AKAP19: variants seen among roughly 807,000 people sequenced by gnomAD.
AKAP19 encodes small A-kinase anchoring protein.
At chr2:190,156,106 G>A in the AKAP19 span, among the ~76,000 whole-genome samples, 6 of 151,942 alleles carry the variant, frequency 3.9e-5, no homozygotes, top group Non-Finnish European at 8.8e-5. Context: ...TATAGGCTTT[G>A]GTTTTGGCTT....
the AKAP19 span, among the ~76,000 whole-genome samples, chr2:190,038,442 T>C: frequency 6.6e-6 from 1 of 152,290 alleles, no homozygotes; most frequent in East Asian, 1.9e-4. Flanking sequence ...TCTGGCACCA[T>C]ATTAGATATA....
the AKAP19 span, among the ~76,000 whole-genome samples, chr2:190,007,989 C>A: frequency 1.3e-5 from 2 of 152,146 alleles, no homozygotes; most frequent in Non-Finnish European, 1.5e-5. Flanking sequence ...TGAAGGCTTA[C>A]AGCAATCCTT....
chr2:189,915,096 G>T, the AKAP19 span, among the ~76,000 whole-genome samples: 2 of 152,106 alleles, frequency 1.3e-5, no homozygotes, highest in African/African-American at 2.4e-5. Context: ...ATTAAAACAT[G>T]CATGGAAAGA....
the AKAP19 span, among the ~76,000 whole-genome samples, chr2:190,068,036 T>C: frequency 1.3e-4 from 20 of 152,292 alleles, no homozygotes; most frequent in East Asian, 1.9e-3. Flanking sequence ...ACACCATTTC[T>C]GCTAAAAATA....
chr2:189,985,724 T>A, the AKAP19 span, among the ~76,000 whole-genome samples: 1 of 152,220 alleles, frequency 6.6e-6, no homozygotes, highest in Admixed American at 6.5e-5. Context: ...AGATTTGTAA[T>A]ATTCTGAGCA....
At chr2:190,184,989 A>C in the AKAP19 span, among the ~76,000 whole-genome samples, 1 of 152,216 alleles carries the variant, frequency 6.6e-6, no homozygotes, top group African/African-American at 2.4e-5. Context: ...ATGGATCATG[A>C]AAGAACTATG....
At chr2:189,898,146 G>A in the AKAP19 span, among the ~76,000 whole-genome samples, 2 of 151,050 alleles carry the variant, frequency 1.3e-5, no homozygotes, top group South Asian at 4.2e-4. Flanking sequence ...AGGCTGCAGA[G>A]AACTGTGATC....
the AKAP19 span, among the ~76,000 whole-genome samples, chr2:189,882,993 T>G: frequency 6.6e-6 from 1 of 152,154 alleles, no homozygotes; most frequent in Admixed American, 6.5e-5. Flanking sequence ...TTTTCTCTGC[T>G]TACCTGATTT....
At chr2:190,104,395 A>G in the AKAP19 span, among the ~76,000 whole-genome samples, 2,451 of 152,358 alleles carry the variant, frequency 0.016, 72 homozygotes, top group African/African-American at 0.056. Flanking sequence ...CAGAGTAAAC[A>G]GGCAACCAAC....
At chr2:190,192,037 C>T in the AKAP19 span, among the ~76,000 whole-genome samples, 3 of 151,868 alleles carry the variant, frequency 2.0e-5, no homozygotes, top group Admixed American at 6.6e-5. Flanking sequence ...AACTCTTTTC[C>T]TAACCCAAGA....
At chr2:189,983,900 C>T in the AKAP19 span, among the ~76,000 whole-genome samples, 1 of 152,162 alleles carries the variant, frequency 6.6e-6, no homozygotes, top group Non-Finnish European at 1.5e-5. Context: ...GAAGACTTCA[C>T]ACATTGGTAG....
chr2:190,117,027 CTT>C, the AKAP19 span, among the ~76,000 whole-genome samples: 3 of 152,206 alleles, frequency 2.0e-5, no homozygotes, highest in Non-Finnish European at 4.4e-5. Context: ...AATGGTATGA[CTT>C]TGAATGAGTT....
the AKAP19 span, among the ~76,000 whole-genome samples, chr2:190,040,186 T>A: frequency 6.6e-6 from 1 of 152,186 alleles, no homozygotes; most frequent in Admixed American, 6.5e-5. Context: ...CCAGCATCTG[T>A]TATTTGAATT....
At chr2:190,131,432 G>T in the AKAP19 span, among the ~76,000 whole-genome samples, 41 of 152,320 alleles carry the variant, frequency 2.7e-4, no homozygotes, top group African/African-American at 9.4e-4. Flanking sequence ...GATAGTGGAG[G>T]TTCCTGGAGG....
chr2:190,061,238 G>T, the AKAP19 span, among the ~76,000 whole-genome samples: 2 of 151,982 alleles, frequency 1.3e-5, no homozygotes, highest in African/African-American at 4.8e-5. Flanking sequence ...ACTGTTTGGA[G>T]TCTTGTTTAA....
the AKAP19 span, among the ~76,000 whole-genome samples, chr2:190,177,639 C>T: frequency 6.6e-6 from 1 of 152,156 alleles, no homozygotes; most frequent in South Asian, 2.1e-4. This position sits in a 1 kb window ranked among gnomAD's most constrained non-coding sequence, Gnocchi z 4.6. Flanking sequence ...TAAAGGTGCT[C>T]GTTTAAGTAG....
the AKAP19 span, among the ~76,000 whole-genome samples, chr2:190,118,599 A>G: frequency 6.6e-6 from 1 of 152,248 alleles, no homozygotes; most frequent in Non-Finnish European, 1.5e-5. Context: ...GCATATAAAC[A>G]GAACCAAAGA....
the AKAP19 span, among the ~76,000 whole-genome samples, chr2:190,155,457 G>T: frequency 6.6e-6 from 1 of 151,978 alleles, no homozygotes; most frequent in Non-Finnish European, 1.5e-5. Context: ...AAAAGAAGGG[G>T]GCAAAATTAA....
At chr2:189,938,534 T>C in the AKAP19 span, among the ~76,000 whole-genome samples, 1 of 151,994 alleles carries the variant, frequency 6.6e-6, no homozygotes, top group Non-Finnish European at 1.5e-5. Flanking sequence ...TCAAAACAAA[T>C]TAAATCATGG....
Sources: gnomAD v4.1 joint callset for allele counts (sites outside exome capture counted in the v4.1 genomes callset) on GRCh38, gnomAD v4.1.1 for gene constraint, Gnocchi (gnomAD v3.1) non-coding constraint, MANE v1.5 for transcripts, NCBI Gene and HGNC (gene_info 2026-07-23, HGNC 2026-07-21) for gene names.